C2CD5: variants seen among roughly 807,000 people sequenced by gnomAD.
C2CD5 encodes C2 domain-containing protein 5.
A neutral mutation model predicts 130.3 loss-of-function variants in C2CD5; 109 were observed. The ratio of observed to expected loss-of-function variants is 0.84; its 90% CI spans 0.72 to 0.98. The LOEUF (loss-of-function observed/expected upper bound fraction) is 0.98, where lower values mean the gene tolerates loss of function less well. C2CD5 is among the 50% of genes least tolerant of loss of function. The pLI, the probability that C2CD5 is intolerant of heterozygous loss-of-function variation, is 0.00. For missense variants in C2CD5, 996 were observed against 1,261.8 expected, an observed-to-expected ratio of 0.79 and a Z score of 3.19; for synonymous variants, 454 against 429.2, an observed-to-expected ratio of 1.06 and a Z score of -0.71.
intron 14 of C2CD5, among the ~76,000 whole-genome samples, chr12:22,479,109 T>C (rs1944322159): frequency 6.6e-6 from 1 of 151,946 alleles, no homozygotes; most frequent in Non-Finnish European, 1.5e-5. Context: ...AGTCCCACGC[T>C]TTCACCCAGG....
chr12:22,490,039 G>A, intron 12 of C2CD5, 84 bp downstream of exon 12: 1 of 955,700 alleles, frequency 1.0e-6, no homozygotes. Flanking sequence ...ACCCTACGGA[G>A]AAGAATTATC....
At chr12:22,478,013 A>ACACACACACACACACT (rs954539272) in intron 15 of C2CD5, 1 of 240,352 alleles carries the variant, frequency 4.2e-6, no homozygotes, top group East Asian at 9.8e-5. Flanking sequence ...ACACACACTC[A>ACACACACACACACACT]CACACACACA....
rs1457459725 is a variant in C2CD5 at position 22,506,778 on chromosome 12, G to A, written c.1080C>T (p.Phe360=). The change falls in exon 10 of 27, where the codon TTC becomes TTT. Residue 360 remains phenylalanine, a synonymous_variant. Coordinates refer to ENST00000446597, the MANE Select transcript of C2CD5 (RefSeq NM_001286176.2). ...TAACTACACCCCCAACGTGTACAAG[G>A]AATCCAGGAGGAAATGCCGTCAAGG... ...FFTLTAFPPG[F]LVHVGGVVSA... 1.2e-6 allele frequency: 2 copies of A among 1,612,372 alleles called. No homozygotes were observed. The highest frequency in any genetic ancestry group is 1.7e-6 in the Non-Finnish European group (2 of 1,178,496).
At position 22,490,137 on chromosome 12, in the gene C2CD5, G is replaced by A. The variant is rs1198206692; in HGVS notation, c.1344C>T (p.Gly448=). 7.4e-6 allele frequency: 12 copies of A among 1,613,058 alleles called. No individual in the cohort carries two copies. Among genetic ancestry groups the A allele is most frequent in the Non-Finnish European group, 9.3e-6 (11 of 1,179,288 alleles). Reference sequence around the variant, plus strand: ...GCCATGACAACCTCTGTTCCAAACAGCCTTCCACGGTGCCATCCTGCAGAA... The same window carrying A: ...GCCATGACAACCTCTGTTCCAAACAACCTTCCACGGTGCCATCCTGCAGAA... The part of the protein sequence containing the change: ...PRFLQDGTVE[G]CLEQRLEENL... The change falls in exon 12 of 27, where the codon GGC becomes GGT. Residue 448 remains glycine (G), a synonymous_variant. Transcript: ENST00000446597.
chr12:22,472,108 CTAAA>C (rs1373020289), intron 18 of C2CD5, 43 bp from the exon 19 acceptor site: 3 of 1,166,828 alleles, frequency 2.6e-6, no homozygotes, highest in Admixed American at 1.9e-5. Flanking sequence ...TTATTTTTAA[CTAAA>C]TATTTTAACA....
At chr12:22,517,384 C>T (rs962463442) in intron 8 of C2CD5, among the ~76,000 whole-genome samples, 4 of 151,676 alleles carry the variant, frequency 2.6e-5, no homozygotes, top group Non-Finnish European at 4.4e-5. Context: ...TATCATAAAA[C>T]ATATTCATAA....
chr12:22,492,180 C>T (rs1946442005), intron 11 of C2CD5, among the ~76,000 whole-genome samples: 1 of 151,966 alleles, frequency 6.6e-6, no homozygotes, highest in Non-Finnish European at 1.5e-5. Flanking sequence ...GAGGATCTAA[C>T]AGTAAGAATT....
chr12:22,466,270 T>C (rs1172461310), intron 22 of C2CD5, among the ~76,000 whole-genome samples: 2 of 151,016 alleles, frequency 1.3e-5, no homozygotes, highest in Non-Finnish European at 3.0e-5. Flanking sequence ...ATTAAAAACA[T>C]GAAATATACA....
chr12:22,489,354 G>A (rs949857272), intron 12 of C2CD5, among the ~76,000 whole-genome samples: 6 of 151,426 alleles, frequency 4.0e-5, no homozygotes, highest in South Asian at 2.1e-4. Context: ...TCACCCTTCC[G>A]TATCCATGGG....
intron 15 of C2CD5, among the ~76,000 whole-genome samples, chr12:22,476,851 C>A (rs2136236443): frequency 6.6e-6 from 1 of 152,126 alleles, no homozygotes; most frequent in East Asian, 1.9e-4. Flanking sequence ...AACCCTAACA[C>A]AAAGCTTTAC....
chr12:22,509,994 T>C (rs1197466135), intron 9 of C2CD5, among the ~76,000 whole-genome samples: 3 of 151,906 alleles, frequency 2.0e-5, no homozygotes, highest in Admixed American at 2.0e-4. Context: ...CACCTGAGGT[T>C]AGGAGTTCAA....
chr12:22,538,871 G>A (rs1187452462), intron 2 of C2CD5, among the ~76,000 whole-genome samples: 5 of 151,862 alleles, frequency 3.3e-5, no homozygotes, highest in East Asian at 1.9e-4. Flanking sequence ...ACAAGCCCAC[G>A]CTTCATTATC....
At chr12:22,530,100 A>ATATC (rs1248205947) in intron 3 of C2CD5, among the ~76,000 whole-genome samples, 4 of 114,178 alleles carry the variant, frequency 3.5e-5, no homozygotes, top group Admixed American at 3.4e-4. Flanking sequence ...ATATATATAT[A>ATATC]TATATATATA....
At chr12:22,472,244 A>C in intron 18 of C2CD5, 42 bp downstream of exon 18, 1 of 1,169,070 alleles carries the variant, frequency 8.6e-7, no homozygotes, top group South Asian at 1.4e-5. Context: ...TACTAAAATA[A>C]CTTATGTGTT....
chr12:22,527,858 T>C lies in C2CD5; in HGVS notation c.212A>G (p.Gln71Arg). 1 of 1,610,496 alleles carries C rather than the reference T, an allele frequency of 6.2e-7. No homozygotes were observed. The highest frequency in any genetic ancestry group is 8.5e-7 in the Non-Finnish European group (1 of 1,177,892). Residue 71 changes from glutamine (Q) to arginine (R), a missense_variant, in exon 4 of 27, where the codon CAG (glutamine) becomes CGG (arginine). Gln to Arg is a conservative substitution (Grantham distance 43). Coordinates refer to ENST00000446597, the MANE Select transcript of C2CD5 (RefSeq NM_001286176.2). ...DDEDLQDEPL[Q>R]ITVLDHDTYS... ...AGTATCATGGTCAAGAACTGTGATC[T>C]GTAAAGGTTCATCTTGTAAGTCTTC...
chr12:22,499,875 C>T (rs1398781025), intron 10 of C2CD5, among the ~76,000 whole-genome samples: 1 of 152,128 alleles, frequency 6.6e-6, no homozygotes, highest in Non-Finnish European at 1.5e-5. Flanking sequence ...TATTGAGTTC[C>T]CTTCTTCCTG....
intron 16 of C2CD5, among the ~76,000 whole-genome samples, chr12:22,473,332 C>T (rs955525245): frequency 9.2e-5 from 14 of 152,120 alleles, no homozygotes; most frequent in African/African-American, 3.4e-4. Flanking sequence ...CATTCATCTG[C>T]ACCTCAGTTT....
At position 22,450,167 on chromosome 12, in the gene C2CD5, CA is replaced by C. The variant is rs529638915; in HGVS notation, c.3025-277del. On this transcript the variant is annotated intron_variant, in intron 26 of 26. Coordinates refer to ENST00000446597, the MANE Select transcript of C2CD5 (RefSeq NM_001286176.2). Reference sequence around the variant, plus strand: ...CGAGACACCACTTCATATATACTGGCAAAAAAATGTAAAAGTTGGATGTTAC... The same window carrying C: ...CGAGACACCACTTCATATATACTGGCAAAAAATGTAAAAGTTGGATGTTAC... 5.9e-5 allele frequency among the ~76,000 whole-genome samples: 9 copies of C among 151,826 alleles called. No individual in the cohort carries two copies. In the East Asian group the frequency reaches 1.7e-3, roughly 29 times the overall value.
At chr12:22,543,276 G>A (rs567106379) in intron 2 of C2CD5, among the ~76,000 whole-genome samples, 90 of 152,228 alleles carry the variant, frequency 5.9e-4, no homozygotes, top group African/African-American at 2.0e-3. Context: ...ATTACCTTCC[G>A]GCCGTAGGCC....
Sources: gnomAD v4.1 joint callset for allele counts (sites outside exome capture counted in the v4.1 genomes callset) on GRCh38, gnomAD v4.1.1 for gene constraint, MANE v1.5 for transcripts, NCBI Gene and HGNC (gene_info 2026-07-23, HGNC 2026-07-21) for gene names.